The following SMYD3 variants were observed in gnomAD, a reference collection of about 807,000 sequenced individuals.
SMYD3 encodes the protein histone-lysine N-methyltransferase SMYD3.
A neutral mutation model predicts 57.7 loss-of-function variants in SMYD3; 36 were observed. The observed-to-expected ratio is 0.62, with a 90% CI of 0.48 to 0.82. The LOEUF (loss-of-function observed/expected upper bound fraction) is 0.82, where lower values mean the gene tolerates loss of function less well. Ranked by LOEUF, SMYD3 falls within the 40% of genes least tolerant of loss-of-function variation. The pLI is 0.00. For synonymous variants in SMYD3, 211 were observed against 195.0 expected (o/e 1.08, Z -0.68); for missense variants, 515 against 538.8 (o/e 0.96, Z 0.44).
At chr1:246,107,913 A>G (rs777495024) in intron 5 of SMYD3, among the ~76,000 whole-genome samples, 2 of 152,266 alleles carry the variant, frequency 1.3e-5, no homozygotes, top group African/African-American at 4.8e-5. Flanking sequence ...CCAAACTTAA[A>G]GAAGAAAAAA....
chr1:246,502,593 T>G (rs757015921), intron 1 of SMYD3, among the ~76,000 whole-genome samples: 7 of 152,206 alleles, frequency 4.6e-5, no homozygotes, highest in Admixed American at 1.3e-4. Flanking sequence ...ACTCAGACTT[T>G]GTTTAACTCC....
intron 7 of SMYD3, among the ~76,000 whole-genome samples, chr1:245,926,984 G>A (rs1316591615): frequency 6.6e-6 from 1 of 152,222 alleles, no homozygotes; most frequent in Non-Finnish European, 1.5e-5. Flanking sequence ...TCCTTCCACT[G>A]AAAATCAGTT....
intron 8 of SMYD3, among the ~76,000 whole-genome samples, chr1:245,912,218 T>C (rs866003934): frequency 6.6e-6 from 1 of 151,876 alleles, no homozygotes; most frequent in East Asian, 1.9e-4. Context: ...AATAATGAAC[T>C]ACCTGAAACA....
At chr1:245,789,485 T>TTA (rs2047178883) in intron 10 of SMYD3, among the ~76,000 whole-genome samples, 1 of 152,206 alleles carries the variant, frequency 6.6e-6, no homozygotes, top group Non-Finnish European at 1.5e-5. Flanking sequence ...CAATATTTGA[T>TTA]TATAGAATTC....
At chr1:246,428,272 G>C (rs944518707) in intron 1 of SMYD3, among the ~76,000 whole-genome samples, 1 of 152,172 alleles carries the variant, frequency 6.6e-6, no homozygotes, top group Non-Finnish European at 1.5e-5. Flanking sequence ...AGTCAAACTA[G>C]TTACTTAATA....
chr1:246,088,362 C>T (rs151081100), intron 5 of SMYD3, among the ~76,000 whole-genome samples: 2,954 of 152,084 alleles, frequency 0.019, 140 homozygotes, highest in East Asian at 0.16. Flanking sequence ...GTAATCCCAG[C>T]ACTTTGGGAG....
intron 5 of SMYD3, among the ~76,000 whole-genome samples, chr1:246,080,230 G>A (rs1304910523): frequency 1.5e-5 from 2 of 130,384 alleles, no homozygotes; most frequent in Non-Finnish European, 3.4e-5. Context: ...CAGGAGGCGA[G>A]TGGCGGGTGA....
chr1:246,113,529 C>A (rs2061289413), intron 5 of SMYD3, among the ~76,000 whole-genome samples: 1 of 152,108 alleles, frequency 6.6e-6, no homozygotes, highest in Non-Finnish European at 1.5e-5. Flanking sequence ...CACCAAGTAA[C>A]GCAAAGTATA....
At chr1:246,498,730 CAA>C (rs1247516323) in intron 1 of SMYD3, among the ~76,000 whole-genome samples, 2,223 of 68,034 alleles carry the variant, frequency 0.033, 28 homozygotes, top group Non-Finnish European at 0.051. Flanking sequence ...GACTCCGTCT[CAA>C]AAAAAAAAAA....
At chr1:246,302,978 C>T (rs146747411) in intron 5 of SMYD3, among the ~76,000 whole-genome samples, 156 of 152,168 alleles carry the variant, frequency 1.0e-3, no homozygotes, top group African/African-American at 3.3e-3. Flanking sequence ...GGGTCTTCTA[C>T]GGAACACTAT....
chr1:245,964,298 C>T (rs2148000839), intron 5 of SMYD3, among the ~76,000 whole-genome samples: 1 of 152,328 alleles, frequency 6.6e-6, no homozygotes, highest in African/African-American at 2.4e-5. Context: ...CCACCTCCAA[C>T]ACTGGGGGTC....
chr1:246,489,214 C>T (rs972071817), intron 1 of SMYD3, among the ~76,000 whole-genome samples: 12 of 151,990 alleles, frequency 7.9e-5, no homozygotes, highest in African/African-American at 2.7e-4. Flanking sequence ...GGCGTGGTGG[C>T]GGGCGCCTGT....
chr1:245,856,529 G>T (rs2051249734), intron 10 of SMYD3, among the ~76,000 whole-genome samples: 1 of 152,212 alleles, frequency 6.6e-6, no homozygotes, highest in Admixed American at 6.5e-5. Flanking sequence ...GGAGGACTTG[G>T]CCTCACTTAC....
At chr1:245,935,096 G>T (rs2056924615) in intron 5 of SMYD3, among the ~76,000 whole-genome samples, 1 of 152,150 alleles carries the variant, frequency 6.6e-6, no homozygotes, top group Admixed American at 6.5e-5. Context: ...GCATAGCACA[G>T]GAAATGGTCA....
chr1:246,052,936 A>G (rs1225321683), intron 5 of SMYD3: 2 of 152,180 alleles, frequency 1.3e-5, no homozygotes, highest in Non-Finnish European at 2.9e-5. Flanking sequence ...ACTAAATAAG[A>G]TCTCTAAATA....
chr1:245,925,654 G>A (rs1176286130), intron 7 of SMYD3, among the ~76,000 whole-genome samples: 2 of 152,170 alleles, frequency 1.3e-5, no homozygotes, highest in Non-Finnish European at 2.9e-5. Flanking sequence ...CCGGTCATTA[G>A]AGTAAGCTCA....
intron 5 of SMYD3, among the ~76,000 whole-genome samples, chr1:245,965,991 G>A (rs2058135727): frequency 6.6e-6 from 1 of 152,108 alleles, no homozygotes; most frequent in Non-Finnish European, 1.5e-5. Context: ...GAATGGCCAA[G>A]GGTTATATGG....
At chr1:245,762,228 G>T (rs2045877206) in intron 11 of SMYD3, among the ~76,000 whole-genome samples, 1 of 152,162 alleles carries the variant, frequency 6.6e-6, no homozygotes, top group South Asian at 2.1e-4. Flanking sequence ...AAATAGGAAT[G>T]AAAATGCCTG....
intron 5 of SMYD3, among the ~76,000 whole-genome samples, chr1:246,040,359 C>T (rs1324056779): frequency 1.3e-4 from 20 of 152,302 alleles, no homozygotes; most frequent in Non-Finnish European, 2.9e-5. Flanking sequence ...TTGTGCTTCG[C>T]CACCACAAAC....
Sources: gnomAD v4.1 joint callset for allele counts (sites outside exome capture counted in the v4.1 genomes callset) on GRCh38, gnomAD v4.1.1 for gene constraint, MANE v1.5 for transcripts, NCBI Gene and HGNC (gene_info 2026-07-23, HGNC 2026-07-21) for gene names.